Variants in GMDS observed in about 807,000 individuals in gnomAD.
GMDS encodes GDP-mannose 4,6 dehydratase.
GMDS carries 20 observed loss-of-function variants against 49.9 expected under a neutral mutation model. The observed-to-expected ratio is 0.40, with a 90% CI of 0.28 to 0.58. GMDS has a LOEUF of 0.58. Among genes scored for constraint, GMDS ranks in the 20% least tolerant of loss-of-function variants. The pLI, the probability that GMDS is intolerant of heterozygous loss-of-function variation, is 0.42. For missense variants in GMDS, 362 were observed against 481.4 expected (o/e 0.75, Z 2.32); for synonymous variants, 177 against 178.6 (o/e 0.99, Z 0.07).
chr6:2,192,944 C>T lies in GMDS; in HGVS notation c.102+52377G>A, dbSNP rs752411754. 4.6e-5 allele frequency among the ~76,000 whole-genome samples: 7 copies of T among 152,208 alleles called. 1 individual carries two copies. In the South Asian group the frequency reaches 1.4e-3, roughly 32 times the overall value. The stretch of plus-strand genomic sequence containing the variant: ...CTTTCCAACCAGAAAAATGACACCC[C>T]AAAGATCCTGTAACACTATTTCCAG... On this transcript the variant is annotated intron_variant, in intron 1 of 10. Transcript: ENST00000380815.
chr6:2,210,493 G>A (rs1393826450), intron 1 of GMDS, among the ~76,000 whole-genome samples: 1 of 152,146 alleles, frequency 6.6e-6, no homozygotes, highest in Non-Finnish European at 1.5e-5. Context: ...AGTGCCTCGA[G>A]AATGGACGGG....
intron 7 of GMDS, among the ~76,000 whole-genome samples, chr6:1,910,711 A>C (rs1761008546): frequency 6.6e-6 from 1 of 152,180 alleles, no homozygotes; most frequent in Admixed American, 6.5e-5. Context: ...CACCAACCTC[A>C]CCATGAAAAG....
chr6:1,698,401 A>T (rs1166075479), intron 9 of GMDS, among the ~76,000 whole-genome samples: 1 of 152,218 alleles, frequency 6.6e-6, no homozygotes, highest in Non-Finnish European at 1.5e-5. Context: ...GTCCAAACAC[A>T]CACTCAGGTG....
intron 7 of GMDS, among the ~76,000 whole-genome samples, chr6:1,866,050 G>A (rs2113794089): frequency 6.6e-6 from 1 of 152,228 alleles, no homozygotes; most frequent in South Asian, 2.1e-4. Flanking sequence ...TGTGGGATTT[G>A]GGGCATTTCT....
At chr6:1,789,112 A>G (rs1769426459) in intron 7 of GMDS, among the ~76,000 whole-genome samples, 1 of 152,258 alleles carries the variant, frequency 6.6e-6, no homozygotes, top group South Asian at 2.1e-4. Flanking sequence ...ACAACTCAGG[A>G]CCAGCCAAAT....
At chr6:1,695,648 T>C (rs900654716) in intron 9 of GMDS, among the ~76,000 whole-genome samples, 1 of 152,222 alleles carries the variant, frequency 6.6e-6, no homozygotes, top group Non-Finnish European at 1.5e-5. Context: ...GAAGTAGCTC[T>C]TGGCAGAATC....
intron 2 of GMDS, among the ~76,000 whole-genome samples, chr6:2,121,101 G>A (rs1325257998): frequency 6.6e-6 from 1 of 152,130 alleles, no homozygotes; most frequent in Non-Finnish European, 1.5e-5. Flanking sequence ...ACTTGCCCAG[G>A]GTCACGGAGC....
At chr6:1,761,717 A>C (rs947072213) in intron 7 of GMDS, among the ~76,000 whole-genome samples, 3 of 152,198 alleles carry the variant, frequency 2.0e-5, no homozygotes, top group African/African-American at 7.2e-5. Flanking sequence ...ATTTGCATAG[A>C]GCTTTATTAC....
intron 4 of GMDS, among the ~76,000 whole-genome samples, chr6:2,033,359 C>G (rs192320671): frequency 2.4e-4 from 37 of 152,278 alleles, no homozygotes; most frequent in Non-Finnish European, 4.6e-4. Context: ...TTCCCTTAAA[C>G]ATCTATCATA....
At chr6:1,745,313 CTGTTGG>C (rs1767441657) in intron 7 of GMDS, among the ~76,000 whole-genome samples, 2 of 150,314 alleles carry the variant, frequency 1.3e-5, no homozygotes, top group Admixed American at 1.3e-4. Flanking sequence ...AGAAACTTGA[CTGTTGG>C]CTACTGGTGG....
intron 9 of GMDS, among the ~76,000 whole-genome samples, chr6:1,684,541 C>G (rs1764907320): frequency 6.6e-6 from 1 of 152,198 alleles, no homozygotes; most frequent in Admixed American, 6.5e-5. Context: ...CACCGGGGAA[C>G]ATGGTAAATC....
At chr6:1,940,480 C>T (rs1308528545) in intron 6 of GMDS, among the ~76,000 whole-genome samples, 2 of 152,330 alleles carry the variant, frequency 1.3e-5, no homozygotes, top group Admixed American at 1.3e-4. Flanking sequence ...TGGGCCATGG[C>T]TCAGTGGAGA....
rs114207839 is a variant in GMDS, at chr6:2,196,949, T to C, written c.102+48372A>G. On this transcript the variant is annotated intron_variant, in intron 1 of 10. Transcript: ENST00000380815. ...AATGATAATGGTGGTGATGACTTGA[T>C]TCTAAACGGATACTTGTCAAAAAGC... Among the ~76,000 whole-genome samples, 545 of 152,268 alleles carry C rather than the reference T, an allele frequency of 3.6e-3. 3 individuals are homozygous for C. Among genetic ancestry groups the C allele is most frequent in the African/African-American group, 0.013 (525 of 41,538 alleles).
intron 4 of GMDS, among the ~76,000 whole-genome samples, chr6:2,099,541 C>G (rs1419395424): frequency 6.6e-6 from 1 of 151,928 alleles, no homozygotes; most frequent in East Asian, 1.9e-4. Flanking sequence ...TATTTATTTA[C>G]CTGTAAGAAA....
At chr6:1,823,960 C>G (rs1196224209) in intron 7 of GMDS, among the ~76,000 whole-genome samples, 1 of 152,058 alleles carries the variant, frequency 6.6e-6, no homozygotes, top group Non-Finnish European at 1.5e-5. Flanking sequence ...TGGGGTATTC[C>G]CAGCATACTA....
Position 1,715,475 on chromosome 6 carries a change from AGG to A in GMDS, c.987+10939_987+10940del, listed in dbSNP as rs1262982852. On this transcript the variant is annotated intron_variant, in intron 9 of 10. Coordinates refer to ENST00000380815, the MANE Select transcript of GMDS (RefSeq NM_001500.4). ...GGCCCTCCGATGTCATTCTTCCCCCAGGACCCCAGGTGGAAATGACCCATCAC... is the reference window on the plus strand; with the variant it reads ...GGCCCTCCGATGTCATTCTTCCCCCAACCCCAGGTGGAAATGACCCATCAC... 2.0e-5 allele frequency among the ~76,000 whole-genome samples: 3 copies of A among 152,182 alleles called. No individual in the cohort carries two copies. The East Asian group carries it at 5.8e-4, about 29-fold the overall frequency.
At chr6:1,628,537 T>C (rs1319506696) in intron 9 of GMDS, among the ~76,000 whole-genome samples, 5 of 152,244 alleles carry the variant, frequency 3.3e-5, no homozygotes, top group Non-Finnish European at 7.3e-5. Context: ...TCTCCCCTTT[T>C]CACTGAGTTT....
chr6:1,773,659 G>A (rs1463151079), intron 7 of GMDS, among the ~76,000 whole-genome samples: 1 of 152,220 alleles, frequency 6.6e-6, no homozygotes, highest in Non-Finnish European at 1.5e-5. Context: ...GACTGGCCCA[G>A]TTCTCCTTGG....
intron 9 of GMDS, among the ~76,000 whole-genome samples, chr6:1,680,285 C>T (rs142158271): frequency 6.6e-5 from 10 of 152,310 alleles, no homozygotes; most frequent in Admixed American, 2.6e-4. Flanking sequence ...CCTGCTTCCT[C>T]GTGGCACCTT....
Sources: gnomAD v4.1 joint callset for allele counts (sites outside exome capture counted in the v4.1 genomes callset) on GRCh38, gnomAD v4.1.1 for gene constraint, MANE v1.5 for transcripts, NCBI Gene and HGNC (gene_info 2026-07-23, HGNC 2026-07-21) for gene names.